SLC38A6: variants seen among roughly 807,000 people sequenced by gnomAD.
SLC38A6 encodes the protein solute carrier family 38 member 6.
Under a neutral mutation model 65.0 loss-of-function variants are expected in SLC38A6, and 73 were observed. The ratio of observed to expected loss-of-function variants is 1.12; its 90% CI spans 0.93 to 1.37. The LOEUF is 1.37. Among genes scored for constraint, SLC38A6 ranks in the 40% most tolerant of loss-of-function variants. The probability of loss-of-function intolerance (pLI) is 0.00; values close to 1 mark genes in which losing one functional copy is unlikely to be tolerated. For missense variants in SLC38A6, 561 were observed against 531.1 expected (o/e 1.06, Z -0.55); for synonymous variants, 183 against 178.8 (o/e 1.02, Z -0.19).
At chr14:61,030,360 G>T in intron 5 of SLC38A6, 85 bp from the exon 6 acceptor site, 6 of 933,654 alleles carry the variant, frequency 6.4e-6, no homozygotes, top group African/African-American at 1.7e-5. Context: ...TAGCTCTAAT[G>T]GACATCTCTT....
chr14:61,083,596 G>T (rs567384048), exon 17 of SLC38A6: 4 of 1,550,316 alleles, frequency 2.6e-6, no homozygotes, highest in Non-Finnish European at 3.5e-6. Flanking sequence ...GAAAGGCCAC[G>T]CAAGGACACA....
intron 4 of SLC38A6, among the ~76,000 whole-genome samples, chr14:61,017,663 TC>T: frequency 1.3e-5 from 2 of 152,334 alleles, no homozygotes; most frequent in African/African-American, 4.8e-5. Context: ...TGTTCATATT[TC>T]CTGCGTTGCT....
intron 13 of SLC38A6, among the ~76,000 whole-genome samples, chr14:61,051,243 A>G (rs183636137): frequency 6.6e-6 from 1 of 152,160 alleles, no homozygotes; most frequent in African/African-American, 2.4e-5. Flanking sequence ...TGGGGCTTCA[A>G]GCCTCCTCCC....
At chr14:61,055,081 A>ATT (rs35859119), downstream of SLC38A6, among the ~76,000 whole-genome samples, 3 of 109,432 alleles carry the variant, frequency 2.7e-5, no homozygotes, top group Admixed American at 1.0e-4. Flanking sequence ...GCAGTGTTGA[A>ATT]TTTTTTTTTT....
chr14:61,023,598 T>C (rs964349786), intron 5 of SLC38A6, among the ~76,000 whole-genome samples: 24 of 147,912 alleles, frequency 1.6e-4, no homozygotes, highest in African/African-American at 5.7e-4. Flanking sequence ...AATATATATA[T>C]ATACACACAC....
At chr14:61,039,846 C>T (rs1281851126) in intron 8 of SLC38A6, among the ~76,000 whole-genome samples, 7 of 151,824 alleles carry the variant, frequency 4.6e-5, no homozygotes, top group African/African-American at 9.7e-5. Context: ...TTTTAAAAAT[C>T]AGTTCAGGAA....
intron 3 of SLC38A6, among the ~76,000 whole-genome samples, chr14:61,010,302 C>T (rs909296302): frequency 6.6e-6 from 1 of 152,024 alleles, no homozygotes; most frequent in Admixed American, 6.6e-5. Flanking sequence ...GAGTAGGTTG[C>T]AAAAATTTTC....
intron 6 of SLC38A6, among the ~76,000 whole-genome samples, chr14:61,034,858 G>A (rs1315982816): frequency 5.3e-5 from 8 of 152,080 alleles, no homozygotes; most frequent in African/African-American, 1.7e-4. Context: ...TACAAATTAG[G>A]GTGGAGAAGG....
At chr14:61,067,719 A>G (rs944533896) in intron 15 of SLC38A6, among the ~76,000 whole-genome samples, 1 of 152,092 alleles carries the variant, frequency 6.6e-6, no homozygotes, top group African/African-American at 2.4e-5. Context: ...ACACACATAT[A>G]TATATATACA....
chr14:61,043,150 ATAAT>A lies in SLC38A6; in HGVS notation c.632_635del (p.Ile211LysfsTer9). ...CTGATTCTGTTTACTTTTTTAGGTA[ATAAT>A]TAAAAAATGGTCCATCCCTTGTCCT... On this transcript the variant is annotated frameshift_variant, in exon 9 of 16. Coordinates refer to ENST00000267488, the MANE Select transcript of SLC38A6 (RefSeq NM_153811.3). LOFTEE classifies it high-confidence loss of function. 6.6e-7 allele frequency: 1 copy of A among 1,522,194 alleles called. No homozygotes were observed. The highest frequency in any genetic ancestry group is 9.0e-7 in the Non-Finnish European group (1 of 1,115,830). The allele number at this position is 1,522,194 out of a possible 1,614,324, so 94.3% of individuals were successfully genotyped here. A position where few individuals can be genotyped will look rare whatever the true frequency, so the allele number is the denominator to read the frequency against.
intron 1 of SLC38A6, 151 bp downstream of exon 1, chr14:60,981,533 A>G (rs2037020838): frequency 6.5e-7 from 1 of 1,532,430 alleles, no homozygotes; most frequent in Non-Finnish European, 8.7e-7. Flanking sequence ...GCAGCCGCCG[A>G]GATTCAGATG....
At chr14:60,990,679 C>T (rs1053237392) in intron 3 of SLC38A6, among the ~76,000 whole-genome samples, 5 of 152,206 alleles carry the variant, frequency 3.3e-5, no homozygotes, top group Non-Finnish European at 5.9e-5. Context: ...GTGGCCCAGG[C>T]TGGAATGTAG....
At chr14:61,061,255 T>C (rs1032944595) in intron 15 of SLC38A6, among the ~76,000 whole-genome samples, 24 of 152,268 alleles carry the variant, frequency 1.6e-4, no homozygotes, top group African/African-American at 5.3e-4. Context: ...GATTTGCATA[T>C]GTTGAACCAA....
chr14:61,037,182 A>G, intron 7 of SLC38A6, 41 bp downstream of exon 7: 1 of 1,424,942 alleles, frequency 7.0e-7, no homozygotes, highest in East Asian at 2.4e-5. Flanking sequence ...AGAAAAAGGA[A>G]AGAAGGGAGG....
chr14:61,035,516 T>A (rs937428601), intron 6 of SLC38A6, among the ~76,000 whole-genome samples: 66 of 152,124 alleles, frequency 4.3e-4, no homozygotes, highest in African/African-American at 1.6e-3. Context: ...ATACATAGAA[T>A]TTTCTCTATT....
At chr14:61,081,819 C>T (rs2043663081) in intron 16 of SLC38A6, among the ~76,000 whole-genome samples, 1 of 152,182 alleles carries the variant, frequency 6.6e-6, no homozygotes, top group Admixed American at 6.5e-5. Context: ...AAGACAGGTT[C>T]AGAGAGGTTA....
At chr14:60,998,089 TTAAA>T (rs2139349505) in intron 3 of SLC38A6, among the ~76,000 whole-genome samples, 1 of 151,118 alleles carries the variant, frequency 6.6e-6, no homozygotes, top group South Asian at 2.1e-4. Flanking sequence ...ATTTAACAGT[TTAAA>T]TATGTATAAG....
At chr14:61,053,586 A>T (rs904986369), downstream of SLC38A6, among the ~76,000 whole-genome samples, 1 of 152,040 alleles carries the variant, frequency 6.6e-6, no homozygotes, top group African/African-American at 2.4e-5. Context: ...ATTCTGACTG[A>T]TGGGAGATGA....
chr14:61,046,571 G>A (rs2042161903), intron 12 of SLC38A6, among the ~76,000 whole-genome samples: 2 of 152,040 alleles, frequency 1.3e-5, no homozygotes, highest in Admixed American at 1.3e-4. Flanking sequence ...AGAAAGGAAA[G>A]GGTTTTACAC....
Sources: allele counts gnomAD v4.1 joint callset (sites outside exome capture counted in the v4.1 genomes callset), GRCh38; gene constraint gnomAD v4.1.1; transcripts MANE v1.5; gene names NCBI Gene and HGNC (gene_info 2026-07-23, HGNC 2026-07-21).